PLS3: variants seen among roughly 807,000 people sequenced by gnomAD.
PLS3 encodes plastin 3, also known as plastin-3.
A neutral mutation model predicts 46.5 loss-of-function variants in PLS3; 11 were observed. The ratio of observed to expected loss-of-function variants is 0.24; its 90% CI spans 0.15 to 0.39. PLS3 has a LOEUF of 0.39. PLS3 is among the 10% of genes least tolerant of loss of function. PLS3 has a pLI of 1.00. For missense variants in PLS3, 308 were observed against 461.8 expected (o/e 0.67, Z 3.05); for synonymous variants, 167 against 162.2 (o/e 1.03, Z -0.22).
chrX:115,646,081 A>G lies in PLS3; in HGVS notation c.1272A>G (p.Gln424=). ...PHVNHLYADL[Q]DALVILQLYE... ...ATTTTTAAATCATTAGTGACCTGCA[A>G]GATGCCCTGGTAATCTTACAGTTAT... is the stretch of plus-strand genomic sequence containing the variant. The change falls in exon 12 of 16, where the codon CAA becomes CAG. Residue 424 remains glutamine, a synonymous_variant. Transcript: ENST00000355899. The G allele has an allele frequency of 8.7e-7, 1 of 1,150,307 alleles. No individual in the cohort carries two copies. Among genetic ancestry groups the G allele is most frequent in the Non-Finnish European group, 1.2e-6 (1 of 841,312 alleles). 94.8% of individuals were successfully genotyped at this position (1,150,307 alleles called of 1,213,427 possible).
At chrX:115,595,511 G>T (rs1556633712) in intron 1 of PLS3, among the ~76,000 whole-genome samples, 1 of 109,831 alleles carries the variant, frequency 9.1e-6, no homozygotes, top group Non-Finnish European at 1.9e-5. Context: ...GAGAAGAAAG[G>T]ACAGGAAGAG....
intron 5 of PLS3, among the ~76,000 whole-genome samples, chrX:115,630,751 T>C (rs905568333): frequency 7.0e-5 from 6 of 86,043 alleles, no homozygotes; most frequent in Non-Finnish European, 1.4e-4. Flanking sequence ...TATTTACACA[T>C]ATATATTTTA....
intron 1 of PLS3, among the ~76,000 whole-genome samples, chrX:115,579,964 C>T (rs782321369): frequency 1.2e-4 from 13 of 111,700 alleles, no homozygotes; most frequent in Admixed American, 1.9e-4. Flanking sequence ...AGCAGTACTC[C>T]GCCCTTGGCC....
intron 13 of PLS3, 119 bp from the exon 14 acceptor site, chrX:115,647,431 C>T: frequency 1.4e-6 from 1 of 737,448 alleles, no homozygotes; most frequent in Non-Finnish European, 2.0e-6. Context: ...GAGACTCCGT[C>T]TCAAAAAAAA....
rs781851283 is a variant in PLS3, at chrX:115,598,198, G to A, written c.-8-12045G>A. On this transcript the variant is annotated intron_variant, in intron 1 of 15. Transcript: ENST00000355899. ...GCCTGTAATCCCAGTTACTCAGGGG[G>A]CTAAGGTGGGAAGATTTCTTGAGCC... 6.4e-5 allele frequency among the ~76,000 whole-genome samples: 7 copies of A among 108,637 alleles called. No homozygotes were observed. The Admixed American group carries it at 7.0e-4, about 11-fold the overall frequency. The allele number at this position is 108,637 out of a possible 115,157, so 94.3% of individuals were successfully genotyped here. A position where few individuals can be genotyped will look rare whatever the true frequency, so the allele number is the denominator to read the frequency against.
chrX:115,592,957 A>G (rs2074355773), intron 1 of PLS3, among the ~76,000 whole-genome samples: 2 of 111,698 alleles, frequency 1.8e-5, no homozygotes, highest in African/African-American at 6.5e-5. Context: ...CGGTTCAGCA[A>G]GTGTTGGCTT....
chrX:115,640,187 T>C, intron 8 of PLS3: 1 of 908,539 alleles, frequency 1.1e-6, no homozygotes, highest in Non-Finnish European at 1.5e-6. Flanking sequence ...ATGACTTTAA[T>C]AATTGCGAAG....
intron 9 of PLS3, among the ~76,000 whole-genome samples, chrX:115,641,609 A>T (rs1239295794): frequency 9.0e-6 from 1 of 111,023 alleles, no homozygotes; most frequent in Non-Finnish European, 1.9e-5. Flanking sequence ...TGTATGTTAA[A>T]TGCAAAACTC....
At chrX:115,587,729 C>G (rs1458340529) in intron 1 of PLS3, among the ~76,000 whole-genome samples, 1 of 98,568 alleles carries the variant, frequency 1.0e-5, no homozygotes, top group African/African-American at 3.9e-5. Flanking sequence ...AGCGAGACTC[C>G]GTCTCAAAAA....
chrX:115,629,249 A>G lies in PLS3; in HGVS notation c.289A>G (p.Ile97Val). The G allele has an allele frequency of 8.3e-7, 1 of 1,200,245 alleles. No individual in the cohort carries two copies. The highest frequency in any genetic ancestry group is 1.1e-6 in the Non-Finnish European group (1 of 885,068). ...SDIAKTFRKA[I>V]NRKEGICALG... ...TATTGCCAAGACCTTCCGCAAAGCA[A>G]TCAACAGGAAAGAAGGTATTTGTGC... Residue 97 changes from isoleucine (I) to valine (V), a missense_variant, in exon 4 of 16, where the codon ATC becomes GTC. Ile to Val is a conservative substitution (Grantham distance 29, BLOSUM62 3). Transcript: ENST00000355899.
At chrX:115,563,725 T>C (rs1349482970) in intron 1 of PLS3, among the ~76,000 whole-genome samples, 1 of 111,850 alleles carries the variant, frequency 8.9e-6, no homozygotes, top group Non-Finnish European at 1.9e-5. Context: ...CATCCGTTTC[T>C]GAGCCTGAAA....
At chrX:115,572,834 C>T (rs1384809471) in intron 1 of PLS3, among the ~76,000 whole-genome samples, 1 of 110,642 alleles carries the variant, frequency 9.0e-6, no homozygotes, top group Non-Finnish European at 1.9e-5. Flanking sequence ...TGGTTCATGC[C>T]AGTAATCCCA....
chrX:115,648,706 T>C (rs1602443085), intron 15 of PLS3, among the ~76,000 whole-genome samples: 1 of 112,001 alleles, frequency 8.9e-6, no homozygotes, highest in East Asian at 2.8e-4. Flanking sequence ...GCACATTATT[T>C]CTTTTTTCCT....
chrX:115,599,727 G>A (rs1603229132), intron 1 of PLS3, among the ~76,000 whole-genome samples: 1 of 107,003 alleles, frequency 9.3e-6, no homozygotes, highest in Non-Finnish European at 1.9e-5. Context: ...CCGCCTCCTG[G>A]GTTCAAGCAA....
At position 115,646,538 on chromosome X, in the gene PLS3, A is replaced by G. The variant is rs782707600; in HGVS notation, c.1511+3A>G. On this transcript the variant is annotated splice_donor_region_variant and intron_variant, in intron 13 of 15. Coordinates refer to ENST00000355899, the MANE Select transcript of PLS3 (RefSeq NM_005032.7). ...TTAGTCTGGCAGCTGATGAGAAGGT[A>G]TAGTACACAATTTTAGCTGTTTAGT... 4 of 1,204,942 alleles carry G rather than the reference A, an allele frequency of 3.3e-6. No individual in the cohort carries two copies. The Admixed American group carries it at 6.6e-5, about 20-fold the overall frequency.
At chrX:115,630,964 T>TATATATAACATATAA (rs1343609226) in intron 5 of PLS3, among the ~76,000 whole-genome samples, 8 of 97,033 alleles carry the variant, frequency 8.2e-5, no homozygotes, top group African/African-American at 3.0e-4. Context: ...AAATATATAT[T>TATATATAACATATAA]ATACATATAT....
intron 3 of PLS3, among the ~76,000 whole-genome samples, chrX:115,622,798 G>T (rs2074669882): frequency 9.0e-6 from 1 of 111,316 alleles, no homozygotes; most frequent in Non-Finnish European, 1.9e-5. Context: ...CACAGTCTCG[G>T]AAGCTTCCTG....
intron 1 of PLS3, among the ~76,000 whole-genome samples, chrX:115,599,106 TAGG>T (rs1156830105): frequency 1.8e-5 from 2 of 110,740 alleles, no homozygotes; most frequent in African/African-American, 6.6e-5. Flanking sequence ...TCATATTTGT[TAGG>T]AGCTTTTTAA....
intron 1 of PLS3, among the ~76,000 whole-genome samples, chrX:115,561,811 G>C (rs1050259293): frequency 4.5e-5 from 5 of 111,512 alleles, no homozygotes; most frequent in Non-Finnish European, 7.5e-5. Context: ...CTCTGGAGAG[G>C]GGGGGCCGTG....
Sources: gnomAD v4.1 joint callset for allele counts (sites outside exome capture counted in the v4.1 genomes callset) on GRCh38, gnomAD v4.1.1 for gene constraint, MANE v1.5 for transcripts, NCBI Gene and HGNC (gene_info 2026-07-23, HGNC 2026-07-21) for gene names.